Variants in SMYD3 observed in about 807,000 individuals in gnomAD.
The protein encoded by SMYD3 is SET and MYND domain containing 3.
Under a neutral mutation model 57.7 loss-of-function variants are expected in SMYD3, and 36 were observed. The ratio of observed to expected loss-of-function variants is 0.62; its 90% CI spans 0.48 to 0.82. The LOEUF (loss-of-function observed/expected upper bound fraction) is 0.82, where lower values mean the gene tolerates loss of function less well. Among genes scored for constraint, SMYD3 ranks in the 40% least tolerant of loss-of-function variants. The pLI is 0.00. For synonymous variants in SMYD3, 211 were observed against 195.0 expected (o/e 1.08, Z -0.68); for missense variants, 515 against 538.8 (o/e 0.96, Z 0.44).
intron 10 of SMYD3, among the ~76,000 whole-genome samples, chr1:245,767,874 G>T (rs879392857): frequency 2.0e-5 from 3 of 152,236 alleles, no homozygotes; most frequent in Non-Finnish European, 4.4e-5. Context: ...ACCAAAGGGG[G>T]CTGAAGATAT....
At position 245,831,343 on chromosome 1, in the gene SMYD3, G is replaced by A. The variant is rs150921772; in HGVS notation, c.1076+27153C>T. On this transcript the variant is annotated intron_variant, in intron 10 of 11. Transcript: ENST00000490107. ...GCAATTTTTCCTCATCTTCACCAAT[G>A]GGAAGGAGCTAGCATTTGGCCAAGA... 5.3e-5 allele frequency among the ~76,000 whole-genome samples: 8 copies of A among 152,302 alleles called. No individual in the cohort carries two copies. The East Asian group carries it at 1.4e-3, about 26-fold the overall frequency.
At chr1:246,240,766 T>C (rs928015951) in intron 5 of SMYD3, among the ~76,000 whole-genome samples, 7 of 152,198 alleles carry the variant, frequency 4.6e-5, no homozygotes, top group Admixed American at 1.3e-4. Flanking sequence ...TTTTATTTCA[T>C]TGAGCAGTGG....
At chr1:246,272,960 TA>T (rs2064249579) in intron 5 of SMYD3, among the ~76,000 whole-genome samples, 1 of 152,124 alleles carries the variant, frequency 6.6e-6, no homozygotes, top group South Asian at 2.1e-4. Flanking sequence ...TTCAATCTCC[TA>T]ACTAGGTATA....
intron 8 of SMYD3, among the ~76,000 whole-genome samples, chr1:245,882,009 C>T (rs985193346): frequency 1.3e-5 from 2 of 152,184 alleles, no homozygotes; most frequent in African/African-American, 4.8e-5. Context: ...AGCTGGATCT[C>T]CCCTCCAAGA....
chr1:246,015,453 A>C (rs1411278881), intron 5 of SMYD3, among the ~76,000 whole-genome samples: 1 of 152,198 alleles, frequency 6.6e-6, no homozygotes. Flanking sequence ...AAATATATAT[A>C]ATGTAAAATT....
At chr1:246,473,833 G>T (rs1348870996) in intron 1 of SMYD3, among the ~76,000 whole-genome samples, 1 of 152,208 alleles carries the variant, frequency 6.6e-6, no homozygotes, top group African/African-American at 2.4e-5. Flanking sequence ...GCCTGCAGGT[G>T]TACTTGTCCA....
At chr1:246,087,494 C>T (rs982954971) in intron 5 of SMYD3, among the ~76,000 whole-genome samples, 5 of 151,820 alleles carry the variant, frequency 3.3e-5, no homozygotes, top group South Asian at 2.1e-4. Flanking sequence ...TTCAAATAGT[C>T]GGAAAGCAAA....
At chr1:246,358,933 A>G (rs940431478) in intron 1 of SMYD3, among the ~76,000 whole-genome samples, 2 of 152,212 alleles carry the variant, frequency 1.3e-5, no homozygotes, top group African/African-American at 4.8e-5. Context: ...ATCCAAACCC[A>G]AATGCAGCAG....
At chr1:246,088,203 C>T (rs1206233965) in intron 5 of SMYD3, among the ~76,000 whole-genome samples, 1 of 152,044 alleles carries the variant, frequency 6.6e-6, no homozygotes, top group Non-Finnish European at 1.5e-5. Flanking sequence ...CAGGTAAAAG[C>T]GCATCAAAAC....
chr1:246,057,398 C>G (rs535882195), intron 5 of SMYD3, among the ~76,000 whole-genome samples: 1 of 152,300 alleles, frequency 6.6e-6, no homozygotes, highest in South Asian at 2.1e-4. Context: ...CTTCTTTCCT[C>G]CCTCCCACTC....
intron 5 of SMYD3, among the ~76,000 whole-genome samples, chr1:245,982,309 T>G (rs984521144): frequency 2.0e-5 from 3 of 152,272 alleles, no homozygotes; most frequent in Non-Finnish European, 4.4e-5. Context: ...TAGTTTTTTG[T>G]AGAGATGAAG....
chr1:246,085,449 T>C (rs2060706388), intron 5 of SMYD3, among the ~76,000 whole-genome samples: 1 of 152,190 alleles, frequency 6.6e-6, no homozygotes, highest in African/African-American at 2.4e-5. Context: ...TTATAAAATC[T>C]TTCCTACGTT....
intron 1 of SMYD3, among the ~76,000 whole-genome samples, chr1:246,433,720 C>T (rs1201964597): frequency 6.6e-6 from 1 of 152,112 alleles, no homozygotes; most frequent in Non-Finnish European, 1.5e-5. Context: ...ACAGATTCAA[C>T]GCTATGCCTA....
intron 2 of SMYD3, among the ~76,000 whole-genome samples, chr1:246,343,458 G>C (rs2065662576): frequency 6.6e-6 from 1 of 152,202 alleles, no homozygotes; most frequent in African/African-American, 2.4e-5. Flanking sequence ...GTGGTGGTAA[G>C]AGGACAGGCT....
At chr1:245,822,467 C>T (rs2049219715) in intron 10 of SMYD3, among the ~76,000 whole-genome samples, 1 of 150,174 alleles carries the variant, frequency 6.7e-6, no homozygotes, top group Non-Finnish European at 1.5e-5. Flanking sequence ...TTAGTGGGTG[C>T]AGCACACCAG....
In SMYD3 at chr1:245,863,881, A is replaced by T. The variant is rs761344778; in HGVS notation, c.819T>A (p.Ala273=). 2.5e-6 allele frequency: 4 copies of T among 1,614,004 alleles called. No homozygotes were observed. In the African/African-American group the frequency reaches 5.3e-5, roughly 22 times the overall value. Residue 273 remains alanine (A), a synonymous_variant, in exon 9 of 12, where the codon GCT becomes GCA. Coordinates refer to ENST00000490107, the MANE Select transcript of SMYD3 (RefSeq NM_001167740.2). ...CTTGCTCATCACCAGTTAGCATATC[A>T]GCATCCTGCTCAGGCCAGAAAAGGA... The part of the protein sequence containing the change: ...CFRCQTQDKD[A]DMLTGDEQVW...
chr1:245,806,840 G>A (rs1163117111), intron 10 of SMYD3, among the ~76,000 whole-genome samples: 1 of 146,822 alleles, frequency 6.8e-6, no homozygotes, highest in African/African-American at 2.6e-5. Context: ...AACCCGGGAG[G>A]CGGAGCTTGC....
intron 10 of SMYD3, among the ~76,000 whole-genome samples, chr1:245,797,085 A>G (rs1004558467): frequency 1.7e-4 from 26 of 152,338 alleles, no homozygotes; most frequent in African/African-American, 5.5e-4. Context: ...AATAGTTACT[A>G]CAAGGCACTT....
rs1161078083 is a variant in SMYD3, at chr1:246,394,929, C to T, written c.165-39835G>A. On this transcript the variant is annotated intron_variant, in intron 1 of 11. Transcript: ENST00000490107. ...TATGCTTTATGATATGAGAGGCTCC[C>T]GAACTTAGCTACACTTTATTATATG... 3.3e-5 allele frequency among the ~76,000 whole-genome samples: 5 copies of T among 151,568 alleles called. No individual in the cohort carries two copies. The South Asian group carries it at 6.2e-4, about 19-fold the overall frequency.
Sources: gnomAD v4.1 joint callset for allele counts (sites outside exome capture counted in the v4.1 genomes callset) on GRCh38, gnomAD v4.1.1 for gene constraint, MANE v1.5 for transcripts, NCBI Gene and HGNC (gene_info 2026-07-23, HGNC 2026-07-21) for gene names.